The following SUPT3H variants were observed in gnomAD, a reference collection of about 807,000 sequenced individuals.
SUPT3H encodes the protein SPT3 homolog, SAGA and STAGA complex component.
SUPT3H carries 44 observed loss-of-function variants against 44.3 expected under a neutral mutation model. The ratio of observed to expected loss-of-function variants is 0.99; its 90% confidence interval spans 0.78 to 1.28. SUPT3H has a LOEUF of 1.28. SUPT3H is among the 50% of genes most tolerant of loss of function. SUPT3H has a pLI of 0.00. For missense variants in SUPT3H, 380 were observed against 387.1 expected, an observed-to-expected ratio of 0.98 and a Z score of 0.15; for synonymous variants, 124 against 125.6, an observed-to-expected ratio of 0.99 and a Z score of 0.09.
At chr6:45,326,046 T>G (rs1430702566) in intron 2 of SUPT3H, among the ~76,000 whole-genome samples, 2 of 151,810 alleles carry the variant, frequency 1.3e-5, no homozygotes, top group African/African-American at 4.8e-5. Flanking sequence ...GTCCAAAAAT[T>G]ACATGCAGGA....
intron 3 of SUPT3H, among the ~76,000 whole-genome samples, chr6:45,068,640 G>A (rs1793843543): frequency 1.3e-5 from 2 of 152,214 alleles, no homozygotes; most frequent in South Asian, 2.1e-4. Context: ...TAGAATCAAT[G>A]TATATATTTT....
At chr6:45,012,451 A>T (rs909961253) in intron 5 of SUPT3H, among the ~76,000 whole-genome samples, 1 of 151,608 alleles carries the variant, frequency 6.6e-6, no homozygotes, top group Admixed American at 6.6e-5. Context: ...GCCCTTCTGA[A>T]TTTTTTCATT....
At chr6:45,022,900 T>C (rs886474464) in intron 3 of SUPT3H, among the ~76,000 whole-genome samples, 1 of 152,098 alleles carries the variant, frequency 6.6e-6, no homozygotes, top group African/African-American at 2.4e-5. Context: ...ATCTCAGGAA[T>C]ACTATTTTCC....
intron 2 of SUPT3H, among the ~76,000 whole-genome samples, chr6:45,184,481 G>T (rs1813824993): frequency 6.6e-6 from 1 of 151,862 alleles, no homozygotes. Context: ...TTTTATTTTT[G>T]AGTGCTTCTA....
intron 3 of SUPT3H, among the ~76,000 whole-genome samples, chr6:45,099,551 A>G (rs1250101330): frequency 6.6e-6 from 1 of 152,146 alleles, no homozygotes; most frequent in East Asian, 1.9e-4. Context: ...CAGAATAATT[A>G]TCTCTTCTTA....
intron 9 of SUPT3H, among the ~76,000 whole-genome samples, chr6:44,944,801 TAC>T (rs1773075045): frequency 1.8e-5 from 1 of 56,580 alleles, no homozygotes; most frequent in African/African-American, 5.3e-5. Context: ...GAAAAAAAGA[TAC>T]AGACAGACAG....
intron 3 of SUPT3H, among the ~76,000 whole-genome samples, chr6:45,093,379 ATAG>A (rs1334591053): frequency 6.6e-6 from 1 of 152,186 alleles, no homozygotes; most frequent in African/African-American, 2.4e-5. Flanking sequence ...GGCCTCACAC[ATAG>A]TAGATGTTTA....
At chr6:45,230,686 A>ATATATATTTTTTTT (rs796866510) in intron 2 of SUPT3H, among the ~76,000 whole-genome samples, 1 of 116,796 alleles carries the variant, frequency 8.6e-6, no homozygotes, top group African/African-American at 3.1e-5. Flanking sequence ...ATATATATAT[A>ATATATATTTTTTTT]TTTTTGAGAT....
chr6:45,168,505 GC>G (rs1554270264), intron 2 of SUPT3H, among the ~76,000 whole-genome samples: 2 of 152,066 alleles, frequency 1.3e-5, no homozygotes, highest in Non-Finnish European at 2.9e-5. Flanking sequence ...ACCTCCTGAG[GC>G]TATGTCACAG....
chr6:44,809,167 T>C (rs551302211), downstream of SUPT3H: 4 of 152,336 alleles, frequency 2.6e-5, no homozygotes, highest in South Asian at 8.3e-4. Context: ...TGTTTATTAG[T>C]CTTGTGTTCA....
chr6:44,860,978 C>A (rs1214308140), intron 10 of SUPT3H, among the ~76,000 whole-genome samples: 1 of 151,896 alleles, frequency 6.6e-6, no homozygotes, highest in Non-Finnish European at 1.5e-5. Flanking sequence ...CATTATACTG[C>A]AGAAAAGAAC....
intron 2 of SUPT3H, among the ~76,000 whole-genome samples, chr6:45,246,108 T>A (rs1235902332): frequency 6.6e-6 from 1 of 152,162 alleles, no homozygotes; most frequent in Non-Finnish European, 1.5e-5. Context: ...TGCCCATTTT[T>A]TAATTGGGTT....
intron 2 of SUPT3H, among the ~76,000 whole-genome samples, chr6:45,237,595 C>T (rs7757756): frequency 1.4e-4 from 21 of 152,056 alleles, no homozygotes; most frequent in African/African-American, 4.1e-4. Flanking sequence ...ACAAAGTTCC[C>T]GCCAAGGTTT....
intron 2 of SUPT3H, among the ~76,000 whole-genome samples, chr6:45,159,908 C>T (rs749654804): frequency 3.3e-5 from 5 of 152,146 alleles, no homozygotes; most frequent in Admixed American, 2.6e-4. Context: ...AACACACCCA[C>T]ACCTACATAT....
chr6:45,328,894 T>G, intron 2 of SUPT3H: 4 of 1,114,782 alleles, frequency 3.6e-6, no homozygotes, highest in Non-Finnish European at 5.4e-6. Context: ...AAGATCCTAA[T>G]TATGCTATCT....
At chr6:45,335,863 G>T (rs1298265036) in intron 2 of SUPT3H, among the ~76,000 whole-genome samples, 1 of 151,252 alleles carries the variant, frequency 6.6e-6, no homozygotes, top group African/African-American at 2.4e-5. Context: ...AAGCATTTCG[G>T]TAATTCAGCT....
rs186958616 is a variant in SUPT3H, at chr6:44,978,502, T to G, written c.505-16674A>C. 1.6e-3 allele frequency among the ~76,000 whole-genome samples: 239 copies of G among 152,238 alleles called. 4 individuals carry two copies. Among genetic ancestry groups the G allele is most frequent in the Non-Finnish European group, 2.2e-3 (147 of 67,996 alleles). On this transcript the variant is annotated intron_variant, in intron 6 of 10. Transcript: ENST00000371459. ...AAAGACAAGTATACTACAAACAGTT[T>G]GGTAAAAGATAAAAACTGTCATTCT...
chr6:45,143,882 G>A (rs1805622132), intron 2 of SUPT3H, among the ~76,000 whole-genome samples: 1 of 152,048 alleles, frequency 6.6e-6, no homozygotes, highest in African/African-American at 2.4e-5. Flanking sequence ...TGATACCACA[G>A]AAATACAAAA....
intron 2 of SUPT3H, among the ~76,000 whole-genome samples, chr6:45,246,542 A>T (rs946693333): frequency 2.0e-5 from 3 of 152,190 alleles, no homozygotes; most frequent in African/African-American, 7.2e-5. Context: ...ATTTGCTCTT[A>T]AGAATCAATA....
Sources: allele counts gnomAD v4.1 joint callset (sites outside exome capture counted in the v4.1 genomes callset), GRCh38; gene constraint gnomAD v4.1.1; transcripts MANE v1.5; gene names NCBI Gene and HGNC (gene_info 2026-07-23, HGNC 2026-07-21).